The following BNC2 variants were observed in gnomAD, a reference collection of about 807,000 sequenced individuals.
The protein encoded by BNC2 is basonuclin zinc finger protein 2.
A neutral mutation model predicts 76.3 loss-of-function variants in BNC2; 20 were observed. The ratio of observed to expected loss-of-function variants is 0.26; its 90% CI spans 0.18 to 0.38. The LOEUF is 0.38. BNC2 is among the 10% of genes least tolerant of loss of function. The pLI is 1.00. For missense variants in BNC2, 1,382 were observed against 1,399.8 expected, an observed-to-expected ratio of 0.99 and a Z score of 0.20; for synonymous variants, 582 against 514.8, an observed-to-expected ratio of 1.13 and a Z score of -1.77.
chr9:16,713,621 C>T (rs1211546274), intron 3 of BNC2, among the ~76,000 whole-genome samples: 2 of 152,114 alleles, frequency 1.3e-5, no homozygotes, highest in Admixed American at 6.5e-5. Context: ...CATGCCTATA[C>T]AAAAGTATGT....
At chr9:16,793,791 G>A (rs923952281) in intron 1 of BNC2, among the ~76,000 whole-genome samples, 1 of 149,022 alleles carries the variant, frequency 6.7e-6, no homozygotes, top group East Asian at 2.0e-4. Flanking sequence ...TCAGCCTCCC[G>A]AGTAGCTGGG....
intron 1 of BNC2, among the ~76,000 whole-genome samples, chr9:16,794,854 CAAG>C (rs1443619625): frequency 2.0e-5 from 3 of 152,144 alleles, no homozygotes; most frequent in Middle Eastern, 3.4e-3. Context: ...TCCCCTTCCT[CAAG>C]AAGAAGTGTC....
chr9:16,479,004 C>A (rs1311253538), intron 5 of BNC2, among the ~76,000 whole-genome samples: 1 of 152,184 alleles, frequency 6.6e-6, no homozygotes, highest in South Asian at 2.1e-4. Flanking sequence ...GTAATCCCAG[C>A]ACTTTGGAAG....
intron 4 of BNC2, among the ~76,000 whole-genome samples, chr9:16,557,522 T>C (rs62540656): frequency 1.3e-5 from 2 of 151,592 alleles, no homozygotes; most frequent in Admixed American, 6.6e-5. Context: ...AAAAAAAAAT[T>C]CATTTCCAAA....
At chr9:16,689,443 C>T (rs987815234) in intron 3 of BNC2, among the ~76,000 whole-genome samples, 39 of 152,194 alleles carry the variant, frequency 2.6e-4, no homozygotes, top group African/African-American at 8.2e-4. Flanking sequence ...AAATATTAAA[C>T]ACGCAGGTAG....
chr9:16,855,967 T>C (rs1819245509), intron 1 of BNC2, among the ~76,000 whole-genome samples: 1 of 152,184 alleles, frequency 6.6e-6, no homozygotes, highest in Non-Finnish European at 1.5e-5. Context: ...CTAGCAGATT[T>C]ATTACCTTAG....
At position 16,436,924 on chromosome 9, in the gene BNC2, A is replaced by T. The variant is rs1180322693; in HGVS notation, c.1270T>A (p.Phe424Ile). The change falls in exon 6 of 7, where the codon TTC becomes ATC. Residue 424 changes from phenylalanine (F) to isoleucine (I), a missense_variant. Phe to Ile is a conservative substitution (Grantham distance 21). This residue lies in a region of BNC2 where 557 missense variants were observed against 540.9 expected (regional missense o/e 1.03). Transcript: ENST00000380672. ...LTKTEHPKSS[F>I]RIHRMRRMGS... ...ATCCTTCTCATCCGATGAATCCGGA[A>T]TGAGCTTTTTGGGTGTTCAGTTTTG... The T allele has an allele frequency of 6.2e-6, 10 of 1,614,104 alleles. No individual in the cohort carries two copies. The highest frequency in any genetic ancestry group is 7.6e-6 in the Non-Finnish European group (9 of 1,180,020).
At chr9:16,707,704 C>A (rs970273473) in intron 3 of BNC2, among the ~76,000 whole-genome samples, 1 of 152,138 alleles carries the variant, frequency 6.6e-6, no homozygotes, top group Non-Finnish European at 1.5e-5. Flanking sequence ...TGCAGTGGCA[C>A]GGTTTCAGTT....
chr9:16,788,366 A>T (rs1448301757), intron 1 of BNC2, among the ~76,000 whole-genome samples: 1 of 151,762 alleles, frequency 6.6e-6, no homozygotes, highest in African/African-American at 2.4e-5. Context: ...ATCCTGGCTA[A>T]CATGGTGAAA....
At position 16,613,473 on chromosome 9, in the gene BNC2, G is replaced by A. The variant is rs191717754; in HGVS notation, c.331-30388C>T. Among the ~76,000 whole-genome samples the A allele has an allele frequency of 6.6e-5, 10 of 152,320 alleles. No homozygotes were observed. The East Asian group carries it at 1.9e-3, about 29-fold the overall frequency. ...TATTGAAAATCACTGGGGACAGCAG[G>A]TTATGGAGTATTCCCCATTACTGCT... On this transcript the variant is annotated intron_variant, in intron 3 of 6. Coordinates refer to ENST00000380672, the MANE Select transcript of BNC2 (RefSeq NM_017637.6).
At chr9:16,600,734 C>T (rs745665189) in intron 3 of BNC2, among the ~76,000 whole-genome samples, 6 of 152,022 alleles carry the variant, frequency 3.9e-5, no homozygotes, top group Non-Finnish European at 8.8e-5. Context: ...GGGGGTGCGG[C>T]GGGTGGCGAG....
chr9:16,421,259 T>C (rs769874788), intron 6 of BNC2: 1 of 1,300,116 alleles, frequency 7.7e-7, no homozygotes, highest in South Asian at 1.2e-5. Context: ...AGGCTGAGCT[T>C]ACCTTGTGAC....
At chr9:16,446,316 A>G (rs1176059380) in intron 5 of BNC2, among the ~76,000 whole-genome samples, 1 of 152,192 alleles carries the variant, frequency 6.6e-6, no homozygotes, top group Admixed American at 6.5e-5. Flanking sequence ...TACATAGTCA[A>G]AAGAATGCCT....
At chr9:16,796,858 G>A (rs1240156376) in intron 1 of BNC2, among the ~76,000 whole-genome samples, 1 of 152,092 alleles carries the variant, frequency 6.6e-6, no homozygotes, top group African/African-American at 2.4e-5. Flanking sequence ...TTCAACTAAT[G>A]CCTTTTGTGG....
chr9:16,621,201 G>A (rs1820858575), intron 3 of BNC2, among the ~76,000 whole-genome samples: 1 of 152,120 alleles, frequency 6.6e-6, no homozygotes, highest in Non-Finnish European at 1.5e-5. Context: ...GCAGACAGAG[G>A]GAAGACTTTG....
chr9:16,636,963 A>G (rs929269204), intron 3 of BNC2, among the ~76,000 whole-genome samples: 16 of 151,722 alleles, frequency 1.1e-4, no homozygotes, highest in African/African-American at 3.4e-4. Context: ...TAAAGCTCAC[A>G]TAGTGCTTTC....
At chr9:16,428,743 T>C (rs1820848869) in intron 6 of BNC2, among the ~76,000 whole-genome samples, 1 of 152,174 alleles carries the variant, frequency 6.6e-6, no homozygotes, top group South Asian at 2.1e-4. Flanking sequence ...GGGTAACATT[T>C]TTCCCCCTAG....
At chr9:16,678,261 C>CTTTTTTTTTTT (rs1587306864) in intron 3 of BNC2, among the ~76,000 whole-genome samples, 2 of 75,888 alleles carry the variant, frequency 2.6e-5, no homozygotes, top group Non-Finnish European at 5.1e-5. Flanking sequence ...TGTTTTCTTT[C>CTTTTTTTTTTT]TTTTTCTTTT....
At chr9:16,671,489 T>G (rs1261392379) in intron 3 of BNC2, among the ~76,000 whole-genome samples, 2 of 152,142 alleles carry the variant, frequency 1.3e-5, no homozygotes, top group Non-Finnish European at 2.9e-5. Context: ...GTACAGTGCC[T>G]TTACCCCAAC....
Sources: allele counts gnomAD v4.1 joint callset (sites outside exome capture counted in the v4.1 genomes callset), GRCh38; gene constraint gnomAD v4.1.1; regional missense constraint gnomAD v4.1.1; transcripts MANE v1.5; gene names NCBI Gene and HGNC (gene_info 2026-07-23, HGNC 2026-07-21).